Variants in KANSL1L observed in about 807,000 individuals in gnomAD.
KANSL1L encodes KAT8 regulatory NSL complex subunit 1 like.
Under a neutral mutation model 108.6 loss-of-function variants are expected in KANSL1L, and 25 were observed. The observed-to-expected ratio is 0.23, with a 90% confidence interval of 0.17 to 0.32. The LOEUF (loss-of-function observed/expected upper bound fraction) is 0.32, where lower values mean the gene tolerates loss of function less well. KANSL1L is among the 10% of genes least tolerant of loss of function. The probability of loss-of-function intolerance (pLI) is 1.00; values close to 1 mark genes in which losing one functional copy is unlikely to be tolerated. For synonymous variants in KANSL1L, 405 were observed against 395.1 expected (o/e 1.03, Z -0.30); for missense variants, 1,137 against 1,125.7 (o/e 1.01, Z -0.14).
At chr2:210,037,398 T>C (rs1559505170) in intron 8 of KANSL1L, among the ~76,000 whole-genome samples, 1 of 152,226 alleles carries the variant, frequency 6.6e-6, no homozygotes, top group Non-Finnish European at 1.5e-5. Flanking sequence ...TTTTTCCCTT[T>C]TGAAAACAAT....
chr2:210,170,764 A>T (rs958027282), intron 1 of KANSL1L: 1 of 152,300 alleles, frequency 6.6e-6, no homozygotes. Flanking sequence ...CCGATGAGGC[A>T]AGAGGCGGGT....
chr2:210,067,116 C>T (rs2094472068), intron 6 of KANSL1L, among the ~76,000 whole-genome samples: 1 of 152,122 alleles, frequency 6.6e-6, no homozygotes, highest in Non-Finnish European at 1.5e-5. Flanking sequence ...GATCTCTGGC[C>T]TTTAGACTCC....
In KANSL1L at chr2:210,098,066, G is replaced by A. The variant is rs1333637021; in HGVS notation, c.1550+20C>T. On this transcript the variant is annotated intron_variant, in intron 5 of 14. Transcript: ENST00000281772. ...AGGCAAAGTTGAATTTAAAAGCTAA[G>A]CTATTCCATTGATACCTACCTCCTG... 3 of 1,577,070 alleles carry A rather than the reference G, an allele frequency of 1.9e-6. No homozygotes were observed. Among genetic ancestry groups the A allele is most frequent in the African/African-American group, 1.4e-5 (1 of 73,212 alleles).
At chr2:210,108,895 C>A (rs988598605) in intron 3 of KANSL1L, among the ~76,000 whole-genome samples, 1 of 152,066 alleles carries the variant, frequency 6.6e-6, no homozygotes, top group Non-Finnish European at 1.5e-5. Context: ...ATTAAACATA[C>A]TTCATCACTT....
chr2:210,168,241 A>T (rs1162000503), intron 1 of KANSL1L, among the ~76,000 whole-genome samples: 1 of 152,088 alleles, frequency 6.6e-6, no homozygotes, highest in Non-Finnish European at 1.5e-5. Flanking sequence ...GATGAACCCA[A>T]TCAGTAAACA....
At chr2:210,139,535 T>C (rs1019792505) in intron 2 of KANSL1L, among the ~76,000 whole-genome samples, 19 of 152,214 alleles carry the variant, frequency 1.2e-4, no homozygotes, top group African/African-American at 4.3e-4. Context: ...TGTACAAGAG[T>C]TTCCTTTTAT....
At chr2:210,124,861 T>G (rs897548723) in intron 3 of KANSL1L, among the ~76,000 whole-genome samples, 1 of 151,892 alleles carries the variant, frequency 6.6e-6, no homozygotes, top group African/African-American at 2.4e-5. Context: ...GACAAGAGAG[T>G]ATTATTAATA....
Position 210,022,952 on chromosome 2 carries a change from C to T in KANSL1L, c.2961G>A (p.Arg987=). 1 of 1,602,800 alleles carries T rather than the reference C, an allele frequency of 6.2e-7. No individual in the cohort carries two copies. Among genetic ancestry groups the T allele is most frequent in the South Asian group, 1.1e-5 (1 of 90,820 alleles). The change falls in exon 15 of 15, where the codon AGG becomes AGA. Residue 987 remains arginine, a synonymous_variant. Transcript: ENST00000281772. ...AGTTTTCTTAACCTGTTCCCTGTCA[C>T]CTATTTTTTTTAACATTAGTAAGTC... ...GLGLTNVKKN[R]
At position 210,075,515 on chromosome 2, in the gene KANSL1L, A is replaced by G. The variant is rs1194398422; in HGVS notation, c.1755+37T>C. ...CATGCATGAAATATGCTGATGGTGA[A>G]TCTTTGATCATGTTTTCTTCCCAAA... On this transcript the variant is annotated intron_variant, in intron 6 of 14. Transcript: ENST00000281772. The G allele has an allele frequency of 5.9e-6, 8 of 1,357,468 alleles. No homozygotes were observed. The Admixed American group carries it at 1.4e-4, about 23-fold the overall frequency. The allele number at this position is 1,357,468 out of a possible 1,614,324, so 84.1% of individuals were successfully genotyped here.
chr2:210,116,205 G>C (rs879653767), intron 3 of KANSL1L, among the ~76,000 whole-genome samples: 2 of 152,194 alleles, frequency 1.3e-5, no homozygotes, highest in Admixed American at 1.3e-4. Context: ...TGCTCTGCTT[G>C]AGGAAAGAGG....
At chr2:210,025,062 C>T (rs1053146465) in intron 13 of KANSL1L, 42 bp downstream of exon 13, 6 of 1,259,730 alleles carry the variant, frequency 4.8e-6, no homozygotes, top group Non-Finnish European at 7.0e-6. Context: ...TTGTTCATTT[C>T]ACATGGATTC....
rs2093854314 is a variant in KANSL1L, at chr2:210,021,464, A to G, written c.*1485T>C. ...AATTAAAAAACTTACATAGAAGATTATAATATCAGACGTGACAAAGATTTG... is the reference window on the plus strand; with the variant it reads ...AATTAAAAAACTTACATAGAAGATTGTAATATCAGACGTGACAAAGATTTG... On this transcript the variant is annotated 3_prime_UTR_variant, in exon 15 of 15. Transcript: ENST00000281772. 1 of 152,596 alleles carries G rather than the reference A, an allele frequency of 6.6e-6. No individual in the cohort carries two copies. The highest frequency in any genetic ancestry group is 6.5e-5 in the Admixed American group (1 of 15,274). 9.5% of individuals were successfully genotyped at this position (152,596 alleles called of 1,614,324 possible). A position where few individuals can be genotyped will look rare whatever the true frequency, so the allele number is the denominator to read the frequency against.
rs1193488900 is a variant in KANSL1L at position 210,026,728 on chromosome 2, T to G, written c.2451+568A>C. On this transcript the variant is annotated intron_variant, in intron 12 of 14. Coordinates refer to ENST00000281772, the MANE Select transcript of KANSL1L (RefSeq NM_152519.4). ...CAATGAATGTGGATATTCACGTAAA[T>G]TCAGTATCTCAAAAACTCATAAACA... 3.4e-4 allele frequency among the ~76,000 whole-genome samples: 52 copies of G among 152,188 alleles called. 1 individual carries two copies. Among genetic ancestry groups the G allele is most frequent in the Admixed American group, 3.4e-3 (52 of 15,276 alleles).
Position 210,023,045 on chromosome 2 carries a change from T to C in KANSL1L, c.2868A>G (p.Val956=). Residue 956 remains valine (V), a synonymous_variant, in exon 15 of 15, where the codon GTA becomes GTG. Coordinates refer to ENST00000281772, the MANE Select transcript of KANSL1L (RefSeq NM_152519.4). ...TTTTTGGATGGTGGCCATTCTCTGG[T>C]ACACTGGTACCGAAGATTTCACCAT... The part of the protein sequence containing the change: ...AFHGEIFGTS[V]PENGHHPKKQ... The C allele has an allele frequency of 6.2e-7, 1 of 1,614,020 alleles. No individual in the cohort carries two copies. Among genetic ancestry groups the C allele is most frequent in the Non-Finnish European group, 8.5e-7 (1 of 1,179,904 alleles).
rs2093879882 is a variant in KANSL1L at position 210,022,898 on chromosome 2, A to C, written c.*51T>G. Reference sequence around the variant, plus strand: ...GATGGGGGATCCAGAACAGGGCTTTATTTCCTCCCATCTTTCCTACATTTA... The same window carrying C: ...GATGGGGGATCCAGAACAGGGCTTTCTTTCCTCCCATCTTTCCTACATTTA... On this transcript the variant is annotated 3_prime_UTR_variant, in exon 15 of 15. Transcript: ENST00000281772. The C allele has an allele frequency of 7.8e-7, 1 of 1,288,020 alleles. No individual in the cohort carries two copies. Among genetic ancestry groups the C allele is most frequent in the African/African-American group, 1.5e-5 (1 of 68,122 alleles). The allele number at this position is 1,288,020 out of a possible 1,614,324, so 79.8% of individuals were successfully genotyped here.
At chr2:210,054,690 A>C (rs1052062398) in intron 6 of KANSL1L, among the ~76,000 whole-genome samples, 1 of 152,032 alleles carries the variant, frequency 6.6e-6, no homozygotes, top group Non-Finnish European at 1.5e-5. Context: ...ACTGATATTC[A>C]ACATTGCACT....
At chr2:210,152,712 G>C (rs1264484771) in intron 2 of KANSL1L, 1 of 152,150 alleles carries the variant, frequency 6.6e-6, no homozygotes, top group Non-Finnish European at 1.5e-5. Context: ...AGTTCTGAAA[G>C]CTATGAGTAC....
chr2:210,025,113 C>G lies in KANSL1L; in HGVS notation c.2555G>C (p.Arg852Thr), dbSNP rs781365273. Residue 852 changes from arginine (R) to threonine (T), a missense_variant, in exon 13 of 15, where the codon AGA becomes ACA. Physicochemically the swap from Arg to Thr is moderately conservative, Grantham distance 71 (BLOSUM62 -1). Coordinates refer to ENST00000281772, the MANE Select transcript of KANSL1L (RefSeq NM_152519.4). ...SLWEQSKWHR[R>T]NSRAYSKNVE... ...TAAATTTGTAACCTGCCTGCTGTTT[C>G]TTCTGTGCCACTTGCTTTGCTCCCA... 3.7e-6 allele frequency: 6 copies of G among 1,605,264 alleles called. No individual in the cohort carries two copies. Among genetic ancestry groups the G allele is most frequent in the Non-Finnish European group, 8.5e-7 (1 of 1,171,914 alleles).
At chr2:210,039,774 A>G (rs1330115542) in intron 8 of KANSL1L, among the ~76,000 whole-genome samples, 2 of 151,902 alleles carry the variant, frequency 1.3e-5, no homozygotes, top group Non-Finnish European at 3.0e-5. Context: ...TCTGATTCAT[A>G]GCATTAAATG....
Sources: gnomAD v4.1 joint callset for allele counts (sites outside exome capture counted in the v4.1 genomes callset) on GRCh38, gnomAD v4.1.1 for gene constraint, MANE v1.5 for transcripts, NCBI Gene and HGNC (gene_info 2026-07-23, HGNC 2026-07-21) for gene names.